The following SASH1 variants were observed in gnomAD, a reference collection of about 807,000 sequenced individuals.
SASH1 encodes SAM and SH3 domain-containing protein 1.
In SASH1, 44 loss-of-function variants were observed where a neutral mutation model predicts 125.2. That is an observed-to-expected ratio of 0.35 (90% CI 0.28 to 0.45). SASH1 has a LOEUF of 0.45. Among genes scored for constraint, SASH1 ranks in the 20% least tolerant of loss-of-function variants. The pLI is 1.00. For missense variants in SASH1, 1,426 were observed against 1,614.5 expected, an observed-to-expected ratio of 0.88 and a Z score of 2.00; for synonymous variants, 639 against 649.1, an observed-to-expected ratio of 0.98 and a Z score of 0.24.
intron 2 of SASH1, among the ~76,000 whole-genome samples, chr6:148,421,887 C>T (rs998438869): frequency 1.3e-5 from 2 of 152,188 alleles, no homozygotes; most frequent in Non-Finnish European, 2.9e-5. Context: ...GTCATTTGCT[C>T]ATTTTTCTAT....
At chr6:148,249,014 AAC>A in the SASH1 span, among the ~76,000 whole-genome samples, 2 of 152,226 alleles carry the variant, frequency 1.3e-5, no homozygotes, top group East Asian at 3.8e-4. Flanking sequence ...CTAGAAATTT[AAC>A]AGTTTACATA....
chr6:148,514,551 A>G, intron 9 of SASH1, 95 bp downstream of exon 9: 1 of 1,358,876 alleles, frequency 7.4e-7, no homozygotes, highest in Non-Finnish European at 9.6e-7. Context: ...CAGAAAAGGG[A>G]TACGATTTCA....
At chr6:148,546,184 T>C (rs1285724506) in intron 19 of SASH1, 38 bp downstream of exon 19, 15 of 1,606,328 alleles carry the variant, frequency 9.3e-6, no homozygotes, top group Non-Finnish European at 1.2e-5. Flanking sequence ...CTGAGGCACA[T>C]TTAGTGATCA....
At position 148,325,092 on chromosome 6, in the gene SASH1, A is replaced by G. The variant is rs561254006; in HGVS notation, n.74+52715A>G. Among the ~76,000 whole-genome samples the G allele has an allele frequency of 4.6e-5, 7 of 152,238 alleles. No homozygotes were observed. The South Asian group carries it at 1.2e-3, about 27-fold the overall frequency. On this transcript the variant is annotated intron_variant and non_coding_transcript_variant, in intron 1 of 3. Coordinates refer to the SASH1 transcript ENST00000367469. ...CATTCTCACTCTGCTATAAAGAACT[A>G]CCCTAGACTGGGTAATTTATAAAGA...
chr6:148,354,874 C>G (rs977711841), intron 1 of SASH1, among the ~76,000 whole-genome samples: 2 of 152,160 alleles, frequency 1.3e-5, no homozygotes, highest in African/African-American at 4.8e-5. Flanking sequence ...GCAATTCTCC[C>G]TCAGCATCCC....
chr6:148,416,450 C>A (rs1784821121), intron 2 of SASH1, among the ~76,000 whole-genome samples: 1 of 152,158 alleles, frequency 6.6e-6, no homozygotes, highest in African/African-American at 2.4e-5. Context: ...TTTTGCTCAA[C>A]TGTTAGATAC....
At chr6:148,465,843 TTC>T (rs1373590817) in intron 4 of SASH1, among the ~76,000 whole-genome samples, 1 of 152,184 alleles carries the variant, frequency 6.6e-6, no homozygotes, top group African/African-American at 2.4e-5. Context: ...TTGCTCCCAC[TTC>T]TCCCGTGGCC....
chr6:148,313,135 G>A lies in SASH1; in HGVS notation n.74+40758G>A, dbSNP rs192660979. 2.0e-5 allele frequency among the ~76,000 whole-genome samples: 3 copies of A among 152,288 alleles called. No individual in the cohort carries two copies. The East Asian group carries it at 5.8e-4, about 29-fold the overall frequency. On this transcript the variant is annotated intron_variant and non_coding_transcript_variant, in intron 1 of 3. Coordinates refer to the SASH1 transcript ENST00000367469. ...CTTGGGCACAGATATTGTAGAAGTGGGGAACTACATTAGCAGAGACTAGGA... is the reference window on the plus strand; with the variant it reads ...CTTGGGCACAGATATTGTAGAAGTGAGGAACTACATTAGCAGAGACTAGGA...
the SASH1 span, among the ~76,000 whole-genome samples, chr6:148,245,184 A>G: frequency 2.6e-5 from 4 of 152,168 alleles, no homozygotes; most frequent in East Asian, 7.7e-4. Flanking sequence ...TATGAAAACA[A>G]ATAGCACTAA....
chr6:148,527,655 T>TG, intron 12 of SASH1, 59 bp downstream of exon 12: 1 of 1,521,222 alleles, frequency 6.6e-7, no homozygotes, highest in South Asian at 1.2e-5. Flanking sequence ...AAGCTGAGAA[T>TG]GGCCCTTCTG....
Position 148,529,093 on chromosome 6 carries a change from C to T in SASH1, c.1428+1497C>T, listed in dbSNP as rs909990904. Among the ~76,000 whole-genome samples the T allele has an allele frequency of 6.6e-6, 1 of 152,084 alleles. No individual in the cohort carries two copies. Among genetic ancestry groups the T allele is most frequent in the South Asian group, 2.1e-4 (1 of 4,818 alleles). ...AGGAGGTGGAGCTCAGACAGTAATG[C>T]GGGTAATGGAGAGTGGCTGTGAAAA... On this transcript the variant is annotated intron_variant, in intron 12 of 19. Transcript: ENST00000367467. The surrounding 1 kb of genome is among the most constrained non-coding windows in gnomAD (Gnocchi z 4.2).
At chr6:148,467,206 C>T (rs1368276838) in intron 4 of SASH1, among the ~76,000 whole-genome samples, 2 of 145,818 alleles carry the variant, frequency 1.4e-5, no homozygotes, top group African/African-American at 2.5e-5. Context: ...AAGCAATTCT[C>T]CTGCCTCAGC....
the SASH1 span, among the ~76,000 whole-genome samples, chr6:148,236,142 C>T: frequency 6.6e-6 from 1 of 152,098 alleles, no homozygotes; most frequent in African/African-American, 2.4e-5. Context: ...CTATCCCAAG[C>T]TATTCCAGAG....
Position 148,544,622 on chromosome 6 carries a change from G to A in SASH1, c.3152G>A (p.Ser1051Asn). ...PRPLSGQAPG[S>N]PPSTRPPPWL... ...CCTCTCTCAGGGCAGGCGCCTGGCA[G>A]CCCACCAAGCACAAGGCCGCCCCCC... Residue 1051 changes from serine to asparagine, a missense_variant, in exon 18 of 20, where the codon AGC becomes AAC. Ser to Asn is a conservative substitution (Grantham distance 46). Transcript: ENST00000367467. This position sits in a 1 kb window ranked among gnomAD's most constrained non-coding sequence, Gnocchi z 6.4. 6 of 1,613,356 alleles carry A rather than the reference G, an allele frequency of 3.7e-6. No homozygotes were observed. The highest frequency in any genetic ancestry group is 1.1e-5 in the South Asian group (1 of 91,054).
chr6:148,293,481 G>T (rs1366192444), intron 1 of SASH1, among the ~76,000 whole-genome samples: 1 of 152,216 alleles, frequency 6.6e-6, no homozygotes, highest in Admixed American at 6.5e-5. Flanking sequence ...CACTGGATTG[G>T]CGCCACTTGC....
chr6:148,535,476 C>A (rs748026371), intron 16 of SASH1, among the ~76,000 whole-genome samples: 3 of 152,168 alleles, frequency 2.0e-5, no homozygotes, highest in Non-Finnish European at 4.4e-5. Context: ...ATTGAATAGA[C>A]TGGTTAGTGA....
At chr6:148,367,913 G>A (rs1048701719) in intron 1 of SASH1, among the ~76,000 whole-genome samples, 3 of 152,200 alleles carry the variant, frequency 2.0e-5, no homozygotes, top group Non-Finnish European at 4.4e-5. Context: ...GAGTCGTTCA[G>A]GGCTGCGGGG....
the SASH1 span, among the ~76,000 whole-genome samples, chr6:148,211,293 G>A: frequency 4.4e-3 from 664 of 152,318 alleles, 5 homozygotes; most frequent in African/African-American, 0.015. Context: ...AAAAGAGGCT[G>A]GGCACGGTGG....
At chr6:148,353,435 ATT>A (rs377513066) in intron 1 of SASH1, among the ~76,000 whole-genome samples, 2,291 of 108,798 alleles carry the variant, frequency 0.021, 42 homozygotes, top group African/African-American at 0.076. Flanking sequence ...TTTAAGATTG[ATT>A]TTTTTTTTTT....
Sources: gnomAD v4.1 joint callset for allele counts (sites outside exome capture counted in the v4.1 genomes callset) on GRCh38, gnomAD v4.1.1 for gene constraint, Gnocchi (gnomAD v3.1) non-coding constraint, MANE v1.5 for transcripts, NCBI Gene and HGNC (gene_info 2026-07-23, HGNC 2026-07-21) for gene names.